Variants in TRAPPC10 observed in about 807,000 individuals in gnomAD.
The protein encoded by TRAPPC10 is TRAPP 130 kDa subunit.
In TRAPPC10, 23 loss-of-function variants were observed where a neutral mutation model predicts 125.5. The ratio of observed to expected loss-of-function variants is 0.18; its 90% CI spans 0.13 to 0.26. The LOEUF (loss-of-function observed/expected upper bound fraction) is 0.26. Ranked by LOEUF, TRAPPC10 falls within the 10% of genes least tolerant of loss-of-function variation. The pLI is 1.00. For synonymous variants in TRAPPC10, 509 were observed against 518.0 expected, an observed-to-expected ratio of 0.98 and a Z score of 0.24; for missense variants, 1,123 against 1,308.4, an observed-to-expected ratio of 0.86 and a Z score of 2.19.
chr21:44,070,615 C>T (rs2036794536), intron 7 of TRAPPC10, among the ~76,000 whole-genome samples: 1 of 152,236 alleles, frequency 6.6e-6, no homozygotes, highest in African/African-American at 2.4e-5. Context: ...TCTGTGTCGG[C>T]CACCATTTAG....
Position 44,083,235 on chromosome 21 carries a change from C to G in TRAPPC10, c.2171C>G (p.Ala724Gly). 1 of 1,614,064 alleles carries G rather than the reference C, an allele frequency of 6.2e-7. No individual in the cohort carries two copies. Among genetic ancestry groups the G allele is most frequent in the South Asian group, 1.1e-5 (1 of 91,062 alleles). ...TCAGGGGTGGCTCTGGAGGAGGGTG[C>G]CCACGTGCTGAGGTGCAGCCACGTG... The part of the protein sequence containing the change: ...MPSGVALEEG[A>G]HVLRCSHVTL... The change falls in exon 14 of 23, where the codon GCC becomes GGC. Residue 724 changes from alanine (A) to glycine (G), a missense_variant. Coordinates refer to ENST00000291574, the MANE Select transcript of TRAPPC10 (RefSeq NM_003274.5).
At chr21:44,067,097 G>A (rs571121615) in intron 7 of TRAPPC10, among the ~76,000 whole-genome samples, 4 of 152,284 alleles carry the variant, frequency 2.6e-5, no homozygotes, top group South Asian at 4.1e-4. Context: ...GTAACAGACC[G>A]TGTGGGCCTA....
At chr21:44,037,422 C>T (rs1486332148) in intron 2 of TRAPPC10, among the ~76,000 whole-genome samples, 1 of 152,146 alleles carries the variant, frequency 6.6e-6, no homozygotes, top group African/African-American at 2.4e-5. Flanking sequence ...ATTAAAACTG[C>T]ACTTTGGACA....
At chr21:44,013,808 C>G (rs2031479976) in intron 1 of TRAPPC10, among the ~76,000 whole-genome samples, 1 of 152,096 alleles carries the variant, frequency 6.6e-6, no homozygotes, top group African/African-American at 2.4e-5. Context: ...AAATTGGAGA[C>G]TTGCATAGTT....
chr21:44,030,821 A>G (rs1167944387), intron 1 of TRAPPC10, among the ~76,000 whole-genome samples: 1 of 152,194 alleles, frequency 6.6e-6, no homozygotes, highest in African/African-American at 2.4e-5. Flanking sequence ...ATAAAAAGTG[A>G]TAAGTTCAAA....
rs755801659 is a variant in TRAPPC10, at chr21:44,037,779, C to T, written c.150-13C>T. 4.4e-6 allele frequency: 7 copies of T among 1,606,784 alleles called. No individual in the cohort carries two copies. Among genetic ancestry groups the T allele is most frequent in the Admixed American group, 3.4e-5 (2 of 58,258 alleles). On this transcript the variant is annotated splice_polypyrimidine_tract_variant and intron_variant, in intron 2 of 22. Transcript: ENST00000291574. ...TAGTTGTTTTCTCAGTGACTTCAAA[C>T]AATTGTTTACAGGTCCTATGGCCGG...
chr21:44,088,132 CAGCTCTACCT>C (rs2038277104), intron 17 of TRAPPC10: 1 of 589,128 alleles, frequency 1.7e-6, no homozygotes, highest in African/African-American at 1.9e-5. Context: ...AGAGACAAGC[CAGCTCTACCT>C]TTCCCTCTCA....
chr21:44,094,055 C>A lies in TRAPPC10; in HGVS notation c.2998-8C>A. ...TGTGTGAGCAGTGACCCCCAACTCT[C>A]TTTCCAGCCCATCTACAGCAAGCAG... On this transcript the variant is annotated splice_region_variant and splice_polypyrimidine_tract_variant and intron_variant, in intron 19 of 22. Coordinates refer to ENST00000291574, the MANE Select transcript of TRAPPC10 (RefSeq NM_003274.5). 6.2e-7 allele frequency: 1 copy of A among 1,611,576 alleles called. No individual in the cohort carries two copies. The highest frequency in any genetic ancestry group is 1.1e-5 in the South Asian group (1 of 90,722).
rs541938862 is a variant in TRAPPC10 at position 44,020,242 on chromosome 21, T to C, written c.67+7682T>C. Among the ~76,000 whole-genome samples the C allele has an allele frequency of 2.0e-5, 3 of 152,020 alleles. No homozygotes were observed. The South Asian group carries it at 6.2e-4, about 32-fold the overall frequency. ...CCTGGGTTCACGCTATTCTCCTGCC[T>C]CAGCCTCCCGAGTAGCTGGGACTAC... On this transcript the variant is annotated intron_variant, in intron 1 of 22. Transcript: ENST00000291574.
At chr21:44,046,342 A>G (rs572872518) in intron 3 of TRAPPC10, 1 of 262,640 alleles carries the variant, frequency 3.8e-6, no homozygotes, top group African/African-American at 2.3e-5. Context: ...GAATCCAGGC[A>G]TCCTTTAGAC....
chr21:44,053,413 C>T (rs1301710473), intron 4 of TRAPPC10, among the ~76,000 whole-genome samples: 1 of 152,010 alleles, frequency 6.6e-6, no homozygotes, highest in Non-Finnish European at 1.5e-5. Context: ...AATGCATTTC[C>T]AGACTCTCAG....
At chr21:44,018,892 G>C (rs2032181729) in intron 1 of TRAPPC10, among the ~76,000 whole-genome samples, 1 of 152,088 alleles carries the variant, frequency 6.6e-6, no homozygotes. Context: ...TTTGTTGCCA[G>C]TTGACAGAGT....
intron 7 of TRAPPC10, among the ~76,000 whole-genome samples, chr21:44,067,239 GGTTGAAC>G (rs1054636730): frequency 6.6e-6 from 1 of 152,206 alleles, no homozygotes; most frequent in African/African-American, 2.4e-5. Context: ...CCAACCTGCA[GGTTGAAC>G]CAGAGGAAGA....
chr21:44,020,732 C>T (rs1013025419), intron 1 of TRAPPC10, among the ~76,000 whole-genome samples: 1 of 152,214 alleles, frequency 6.6e-6, no homozygotes, highest in Non-Finnish European at 1.5e-5. Context: ...TTAACTCAAT[C>T]TGTAGCTTGC....
At chr21:44,094,846 A>C (rs1003523341) in intron 20 of TRAPPC10, among the ~76,000 whole-genome samples, 1 of 152,134 alleles carries the variant, frequency 6.6e-6, no homozygotes, top group South Asian at 2.1e-4. Context: ...ATTATCAAAC[A>C]ATGTTTATTT....
intron 11 of TRAPPC10, among the ~76,000 whole-genome samples, chr21:44,078,958 T>C (rs991991111): frequency 2.0e-5 from 3 of 152,060 alleles, no homozygotes; most frequent in African/African-American, 7.2e-5. Context: ...AAAAAAACAG[T>C]TGTGCTTTAA....
chr21:44,019,771 G>A (rs990213532), intron 1 of TRAPPC10, among the ~76,000 whole-genome samples: 1 of 152,158 alleles, frequency 6.6e-6, no homozygotes, highest in African/African-American at 2.4e-5. Context: ...GCCACCTGCC[G>A]CACCACTGTC....
At chr21:44,035,717 C>T (rs998121238) in intron 2 of TRAPPC10, among the ~76,000 whole-genome samples, 1 of 152,166 alleles carries the variant, frequency 6.6e-6, no homozygotes, top group South Asian at 2.1e-4. Context: ...GAGGAGATTG[C>T]AGTGAGCCAA....
chr21:44,028,257 T>C (rs2238704), intron 1 of TRAPPC10, among the ~76,000 whole-genome samples: 53,031 of 152,158 alleles, frequency 0.35, 13,480 homozygotes, highest in African/African-American at 0.72. Context: ...CAATTGCAAC[T>C]GCATAAATAA....
Sources: gnomAD v4.1 joint callset for allele counts (sites outside exome capture counted in the v4.1 genomes callset) on GRCh38, gnomAD v4.1.1 for gene constraint, MANE v1.5 for transcripts, NCBI Gene and HGNC (gene_info 2026-07-23, HGNC 2026-07-21) for gene names.